Variants in ARHGEF10L observed in about 807,000 individuals in gnomAD.
ARHGEF10L encodes Rho guanine nucleotide exchange factor 10 like, also known as rho guanine nucleotide exchange factor 10-like protein.
A neutral mutation model predicts 141.2 loss-of-function variants in ARHGEF10L; 69 were observed. That is an observed-to-expected ratio of 0.49 (90% CI 0.40 to 0.60). The LOEUF (loss-of-function observed/expected upper bound fraction) is 0.60, where lower values mean the gene tolerates loss of function less well. ARHGEF10L is among the 20% of genes least tolerant of loss of function. The pLI, the probability that ARHGEF10L is intolerant of heterozygous loss-of-function variation, is 0.00. For missense variants in ARHGEF10L, 1,482 were observed against 1,734.3 expected (o/e 0.85, Z 2.58); for synonymous variants, 711 against 718.5 (o/e 0.99, Z 0.17).
Position 17,627,735 on chromosome 1 carries a change from C to T in ARHGEF10L, c.1584+232C>T, listed in dbSNP as rs1191265287. 1.3e-5 allele frequency among the ~76,000 whole-genome samples: 2 copies of T among 152,174 alleles called. No homozygotes were observed. The highest frequency in any genetic ancestry group is 4.8e-5 in the African/African-American group (2 of 41,432). ...TTCATTTTGTGCATCAGTGTGATTTCCAGTAAAGTCTCCAGAAATCAAAGC... is the reference window on the plus strand; with the variant it reads ...TTCATTTTGTGCATCAGTGTGATTTTCAGTAAAGTCTCCAGAAATCAAAGC... On this transcript the variant is annotated intron_variant, in intron 15 of 28. Transcript: ENST00000361221. The surrounding 1 kb of genome is among the most constrained non-coding windows in gnomAD (Gnocchi z 4.0).
At chr1:17,616,988 AG>A (rs1411114757) in intron 9 of ARHGEF10L, among the ~76,000 whole-genome samples, 1 of 152,170 alleles carries the variant, frequency 6.6e-6, no homozygotes, top group Non-Finnish European at 1.5e-5. Context: ...TCACCACACA[AG>A]GCGCACAGAA....
intron 1 of ARHGEF10L, among the ~76,000 whole-genome samples, chr1:17,545,758 C>T (rs2076893513): frequency 6.6e-6 from 1 of 152,170 alleles, no homozygotes; most frequent in African/African-American, 2.4e-5. Flanking sequence ...CTTGTACATC[C>T]TGTGATCTCT....
At chr1:17,651,175 T>C (rs2061907824) in intron 22 of ARHGEF10L, among the ~76,000 whole-genome samples, 1 of 152,258 alleles carries the variant, frequency 6.6e-6, no homozygotes, top group African/African-American at 2.4e-5. Flanking sequence ...GACTGAGTTT[T>C]TGGTGCCCTT....
intron 27 of ARHGEF10L, 122 bp downstream of exon 27, chr1:17,687,869 A>G: frequency 9.1e-7 from 1 of 1,093,860 alleles, no homozygotes; most frequent in East Asian, 2.8e-5. Flanking sequence ...TGGGGCTTTA[A>G]TTTGGGGCAC....
At chr1:17,645,831 A>G (rs1187662999) in intron 21 of ARHGEF10L, among the ~76,000 whole-genome samples, 1 of 152,196 alleles carries the variant, frequency 6.6e-6, no homozygotes, top group East Asian at 1.9e-4. Flanking sequence ...TGCGGATAGA[A>G]GGACGTATCT....
At chr1:17,614,579 G>T (rs1177887319) in intron 8 of ARHGEF10L, among the ~76,000 whole-genome samples, 1 of 152,180 alleles carries the variant, frequency 6.6e-6, no homozygotes, top group Admixed American at 6.5e-5. Context: ...AGAGGTTTCA[G>T]ATCTCTGAGG....
At chr1:17,521,748 T>C in the ARHGEF10L span, among the ~76,000 whole-genome samples, 2 of 152,146 alleles carry the variant, frequency 1.3e-5, no homozygotes, top group African/African-American at 2.4e-5. Flanking sequence ...GTGGTTCTAG[T>C]GCTCAGCCAA....
chr1:17,631,638 G>A (rs1410255108), intron 15 of ARHGEF10L, among the ~76,000 whole-genome samples: 1 of 152,186 alleles, frequency 6.6e-6, no homozygotes, highest in African/African-American at 2.4e-5. Flanking sequence ...GTCATCACAC[G>A]TGACCCGTGT....
the ARHGEF10L span, among the ~76,000 whole-genome samples, chr1:17,532,142 C>T: frequency 0.52 from 79,467 of 151,982 alleles, 21,481 homozygotes; most frequent in East Asian, 0.76. Flanking sequence ...CGCTGTGTCC[C>T]CTGGGCTCTC....
chr1:17,661,832 C>T (rs541538470), intron 25 of ARHGEF10L, among the ~76,000 whole-genome samples: 6 of 152,228 alleles, frequency 3.9e-5, no homozygotes, highest in African/African-American at 7.2e-5. Flanking sequence ...GAGCCCTGGC[C>T]GCCTTCGGGT....
chr1:17,518,076 A>G, the ARHGEF10L span, among the ~76,000 whole-genome samples: 1 of 152,218 alleles, frequency 6.6e-6, no homozygotes, highest in Admixed American at 6.5e-5. Flanking sequence ...CGCTGATCAA[A>G]TGTGTTGTTG....
chr1:17,580,757 G>A (rs1215601697), intron 2 of ARHGEF10L, 125 bp downstream of exon 2: 1 of 1,159,526 alleles, frequency 8.6e-7, no homozygotes, highest in Middle Eastern at 2.4e-4. Context: ...CTGGCTGCTG[G>A]CCCTGCCTGG....
At chr1:17,613,200 C>G in intron 8 of ARHGEF10L, 26 bp downstream of exon 8, 2 of 1,566,770 alleles carry the variant, frequency 1.3e-6, no homozygotes, top group Non-Finnish European at 1.8e-6. Context: ...CCCCTCAAGC[C>G]CTGGATGGGG....
At chr1:17,580,665 C>T in intron 2 of ARHGEF10L, 33 bp downstream of exon 2, 1 of 1,614,050 alleles carries the variant, frequency 6.2e-7, no homozygotes, top group Admixed American at 1.7e-5. Flanking sequence ...TCCCTCTCAT[C>T]CTTTCTTAGA....
intron 26 of ARHGEF10L, among the ~76,000 whole-genome samples, chr1:17,670,122 G>A (rs574938819): frequency 1.8e-4 from 28 of 152,392 alleles, no homozygotes; most frequent in African/African-American, 6.3e-4. Flanking sequence ...GAGGCAGCCC[G>A]CAAGTGGCCA....
At chr1:17,534,940 G>A (rs2076553933), upstream of ARHGEF10L, among the ~76,000 whole-genome samples, 1 of 152,114 alleles carries the variant, frequency 6.6e-6, no homozygotes, top group Non-Finnish European at 1.5e-5. Flanking sequence ...TTGGCCTCAG[G>A]AACTGGTTTC....
At chr1:17,608,030 A>T in intron 7 of ARHGEF10L, 53 bp downstream of exon 7, 1 of 258,226 alleles carries the variant, frequency 3.9e-6, no homozygotes. Flanking sequence ...AGACCCCTTC[A>T]GGGAGGGAGG....
In ARHGEF10L at chr1:17,632,276, G is replaced by C. The variant is rs776856442; in HGVS notation, c.1585-45G>C. 55 of 1,606,354 alleles carry C rather than the reference G, an allele frequency of 3.4e-5. No individual in the cohort carries two copies. In the African/African-American group the frequency reaches 5.9e-4, roughly 17 times the overall value. On this transcript the variant is annotated intron_variant, in intron 15 of 28. Transcript: ENST00000361221. ...TCTGGGTCTCCGGCGCGGTAAAGCC[G>C]CCGGGCCGCGATGCTGATGCTGACC...
chr1:17,636,451 C>A (rs1285711189), intron 18 of ARHGEF10L, among the ~76,000 whole-genome samples: 4 of 152,150 alleles, frequency 2.6e-5, no homozygotes, highest in Non-Finnish European at 5.9e-5. Context: ...TTCAAATTAA[C>A]AGCATTAATG....
Sources: gnomAD v4.1 joint callset for allele counts (sites outside exome capture counted in the v4.1 genomes callset) on GRCh38, gnomAD v4.1.1 for gene constraint, Gnocchi (gnomAD v3.1) non-coding constraint, MANE v1.5 for transcripts, NCBI Gene and HGNC (gene_info 2026-07-23, HGNC 2026-07-21) for gene names.